LINGO2: variants seen among roughly 807,000 people sequenced by gnomAD.
LINGO2 encodes the protein leucine-rich repeat and immunoglobulin-like domain-containing nogo receptor-interacting protein 2.
A neutral mutation model predicts 30.6 loss-of-function variants in LINGO2; 14 were observed. The ratio of observed to expected loss-of-function variants is 0.46; its 90% CI spans 0.30 to 0.72. The LOEUF is 0.72. LINGO2 is among the 30% of genes least tolerant of loss of function. The probability of loss-of-function intolerance (pLI) is 0.07; values close to 1 mark genes in which losing one functional copy is unlikely to be tolerated. For synonymous variants in LINGO2, 317 were observed against 288.5 expected, an observed-to-expected ratio of 1.10 and a Z score of -1.00; for missense variants, 729 against 751.7, an observed-to-expected ratio of 0.97 and a Z score of 0.35.
chr9:28,179,137 C>A (rs1005919417), intron 4 of LINGO2, among the ~76,000 whole-genome samples: 3 of 151,366 alleles, frequency 2.0e-5, no homozygotes, highest in African/African-American at 7.3e-5. Flanking sequence ...AAAGTTCCTC[C>A]TATATTTTAT....
chr9:28,081,220 T>C (rs1587821427), intron 4 of LINGO2, among the ~76,000 whole-genome samples: 1 of 148,938 alleles, frequency 6.7e-6, no homozygotes, highest in South Asian at 2.1e-4. Flanking sequence ...AATAAAACTA[T>C]CTCCAGACAT....
chr9:28,891,480 GAAA>G, the LINGO2 span, among the ~76,000 whole-genome samples: 22 of 148,308 alleles, frequency 1.5e-4, no homozygotes, highest in Admixed American at 1.4e-3. Context: ...AATTTCTGGA[GAAA>G]AAAAAAAGAG....
the LINGO2 span, among the ~76,000 whole-genome samples, chr9:29,052,175 T>C: frequency 2.6e-5 from 4 of 152,012 alleles, no homozygotes; most frequent in Non-Finnish European, 4.4e-5. Flanking sequence ...TTAATCTTCA[T>C]CCAATGAATA....
chr9:28,056,990 C>T (rs1172347646), intron 4 of LINGO2, among the ~76,000 whole-genome samples: 1 of 152,020 alleles, frequency 6.6e-6, no homozygotes, highest in East Asian at 1.9e-4. Context: ...GAAACACTTT[C>T]CATAGTGTTG....
At chr9:28,968,335 C>A in the LINGO2 span, among the ~76,000 whole-genome samples, 1 of 152,092 alleles carries the variant, frequency 6.6e-6, no homozygotes. Context: ...AAGCCTGGAT[C>A]CCTTTTATCC....
At chr9:28,620,170 T>C (rs1587971274) in intron 1 of LINGO2, among the ~76,000 whole-genome samples, 1 of 151,808 alleles carries the variant, frequency 6.6e-6, no homozygotes, top group South Asian at 2.1e-4. Context: ...CTAACTGAGG[T>C]AAATACTCTG....
intron 2 of LINGO2, among the ~76,000 whole-genome samples, chr9:28,450,818 T>C (rs761248003): frequency 1.3e-5 from 2 of 152,000 alleles, no homozygotes; most frequent in Non-Finnish European, 2.9e-5. Flanking sequence ...AGATTCCTCA[T>C]ATTTCCATTT....
At chr9:28,556,643 C>A (rs1253945993) in intron 1 of LINGO2, among the ~76,000 whole-genome samples, 1 of 151,988 alleles carries the variant, frequency 6.6e-6, no homozygotes. Context: ...TTGGAAAAAA[C>A]TACTTTAAAG....
rs145238355 is a variant in LINGO2 at position 28,225,656 on chromosome 9, C to T, written c.-87+69552G>A. Among the ~76,000 whole-genome samples, 934 of 151,984 alleles carry T rather than the reference C, an allele frequency of 6.1e-3. 9 individuals are homozygous for T. The highest frequency in any genetic ancestry group is 0.022 in the African/African-American group (897 of 41,484). On this transcript the variant is annotated intron_variant, in intron 4 of 5. Coordinates refer to ENST00000379992, the Ensembl canonical transcript of LINGO2. ...AAATACCCTTTATATATAAAGCATT[C>T]TTATAAATCAACAATTTTAAAATTC...
the LINGO2 span, among the ~76,000 whole-genome samples, chr9:29,167,888 A>G: frequency 6.6e-6 from 1 of 152,148 alleles, no homozygotes; most frequent in Non-Finnish European, 1.5e-5. Context: ...ACCCTGTTAC[A>G]TGGCCATCAT....
At chr9:28,452,215 T>G (rs1455082417) in intron 2 of LINGO2, among the ~76,000 whole-genome samples, 1 of 151,780 alleles carries the variant, frequency 6.6e-6, no homozygotes, top group African/African-American at 2.4e-5. Context: ...TCTCATTTAC[T>G]AAGCAAAAGA....
chr9:29,032,629 T>C, the LINGO2 span, among the ~76,000 whole-genome samples: 1 of 152,182 alleles, frequency 6.6e-6, no homozygotes, highest in Non-Finnish European at 1.5e-5. Context: ...TTCTGTTGTG[T>C]ACTCAGTTAC....
chr9:28,230,837 A>G (rs1463880064), intron 4 of LINGO2, among the ~76,000 whole-genome samples: 2 of 151,878 alleles, frequency 1.3e-5, no homozygotes, highest in Non-Finnish European at 3.0e-5. Context: ...ATTTCTTACT[A>G]TAGTCTTAAA....
chr9:28,097,550 T>C (rs1260764094), intron 4 of LINGO2, among the ~76,000 whole-genome samples: 2 of 142,064 alleles, frequency 1.4e-5, no homozygotes, highest in Admixed American at 7.1e-5. Flanking sequence ...ATGGATGAAA[T>C]TGGAAACCAT....
At chr9:29,120,439 G>A in the LINGO2 span, among the ~76,000 whole-genome samples, 1 of 152,238 alleles carries the variant, frequency 6.6e-6, no homozygotes, top group East Asian at 1.9e-4. Flanking sequence ...GTTAAATTGT[G>A]TAATCATTTT....
intron 3 of LINGO2, among the ~76,000 whole-genome samples, chr9:28,336,458 T>G (rs745590085): frequency 3.9e-5 from 6 of 152,202 alleles, no homozygotes; most frequent in Non-Finnish European, 8.8e-5. Flanking sequence ...TTTGGATTTC[T>G]TTTTGGTAAA....
At chr9:28,280,244 A>G (rs978350835) in intron 4 of LINGO2, among the ~76,000 whole-genome samples, 5 of 152,186 alleles carry the variant, frequency 3.3e-5, no homozygotes, top group South Asian at 2.1e-4. Context: ...TCAACACTTT[A>G]TTAGGCACTG....
chr9:29,165,151 G>T, the LINGO2 span, among the ~76,000 whole-genome samples: 1 of 152,012 alleles, frequency 6.6e-6, no homozygotes, highest in Non-Finnish European at 1.5e-5. Flanking sequence ...ACTAATATTT[G>T]CTCTTAATGG....
At chr9:28,888,226 ACT>A in the LINGO2 span, among the ~76,000 whole-genome samples, 3 of 152,040 alleles carry the variant, frequency 2.0e-5, no homozygotes, top group Non-Finnish European at 4.4e-5. Flanking sequence ...TGAATTTGTC[ACT>A]CTTGTTAAAA....
Sources: allele counts gnomAD v4.1 joint callset (sites outside exome capture counted in the v4.1 genomes callset), GRCh38; gene constraint gnomAD v4.1.1; transcripts MANE v1.5; gene names NCBI Gene and HGNC (gene_info 2026-07-23, HGNC 2026-07-21).